The following MAST2 variants were observed in gnomAD, a reference collection of about 807,000 sequenced individuals.
MAST2 encodes the protein microtubule-associated serine/threonine-protein kinase 2.
A neutral mutation model predicts 147.4 loss-of-function variants in MAST2; 70 were observed. The ratio of observed to expected loss-of-function variants is 0.47; its 90% CI spans 0.39 to 0.58. The LOEUF (loss-of-function observed/expected upper bound fraction) is 0.58, where lower values mean the gene tolerates loss of function less well. Ranked by LOEUF, MAST2 falls within the 20% of genes least tolerant of loss-of-function variation. MAST2 has a pLI of 0.00. For synonymous variants in MAST2, 869 were observed against 896.8 expected (o/e 0.97, Z 0.55); for missense variants, 2,080 against 2,302.3 (o/e 0.90, Z 1.98).
chr1:45,915,493 G>A lies in MAST2; in HGVS notation c.500+33098G>A, dbSNP rs185868897. 1.5e-3 allele frequency among the ~76,000 whole-genome samples: 225 copies of A among 152,192 alleles called. 2 individuals are homozygous for A. The highest frequency in any genetic ancestry group is 5.3e-3 in the African/African-American group (219 of 41,542). On this transcript the variant is annotated intron_variant, in intron 4 of 28. Coordinates refer to ENST00000361297, the MANE Select transcript of MAST2 (RefSeq NM_015112.3). ...TGGGAGGCCGAGGCGGGCGGATCAC[G>A]AGGTCAGGAGATCGAGACCATCCTG...
intron 7 of MAST2, 123 bp from the exon 8 acceptor site, chr1:46,006,118 A>G: frequency 1.1e-6 from 1 of 917,614 alleles, no homozygotes. Context: ...GGAGTAGGGG[A>G]AAGAAGACCT....
intron 10 of MAST2, among the ~76,000 whole-genome samples, chr1:46,013,228 T>A (rs1645788697): frequency 6.6e-6 from 1 of 152,170 alleles, no homozygotes; most frequent in Non-Finnish European, 1.5e-5. Context: ...ATAAGGAAAC[T>A]AAGTTAGCTC....
chr1:45,842,387 T>G (rs1312218948), intron 3 of MAST2, among the ~76,000 whole-genome samples: 1 of 152,210 alleles, frequency 6.6e-6, no homozygotes, highest in East Asian at 1.9e-4. Context: ...GATTTGTTTT[T>G]CACAATACAA....
chr1:45,879,796 TACTC>T (rs1382530496), intron 3 of MAST2, among the ~76,000 whole-genome samples: 3 of 152,158 alleles, frequency 2.0e-5, no homozygotes, highest in Non-Finnish European at 2.9e-5. Flanking sequence ...CATGAAAAGA[TACTC>T]AACATCGTTA....
intron 4 of MAST2, among the ~76,000 whole-genome samples, chr1:45,891,434 G>T (rs2148401441): frequency 6.6e-6 from 1 of 152,208 alleles, no homozygotes; most frequent in Non-Finnish European, 1.5e-5. Context: ...AGCCGTGATT[G>T]TGCCACTGTA....
chr1:45,948,899 A>G (rs2148848963), intron 4 of MAST2, among the ~76,000 whole-genome samples: 1 of 152,082 alleles, frequency 6.6e-6, no homozygotes, highest in East Asian at 1.9e-4. Flanking sequence ...CCTATTTTAA[A>G]AATCAGGGGT....
intron 3 of MAST2, among the ~76,000 whole-genome samples, chr1:45,844,909 C>G (rs1194114426): frequency 6.6e-6 from 1 of 152,136 alleles, no homozygotes; most frequent in Non-Finnish European, 1.5e-5. Flanking sequence ...GTACCAGCAT[C>G]TGATGAGGGC....
intron 5 of MAST2, among the ~76,000 whole-genome samples, chr1:45,977,098 G>A (rs1458285338): frequency 2.0e-5 from 3 of 152,226 alleles, no homozygotes; most frequent in Non-Finnish European, 2.9e-5. Context: ...AAAACTTTTA[G>A]AAGGTGTACA....
intron 4 of MAST2, among the ~76,000 whole-genome samples, chr1:45,955,030 A>G (rs1188907281): frequency 2.0e-5 from 3 of 152,242 alleles, no homozygotes; most frequent in Admixed American, 6.5e-5. Flanking sequence ...ATACTCATCC[A>G]TTCATTTAAC....
intron 9 of MAST2, among the ~76,000 whole-genome samples, chr1:46,010,490 TGGG>T (rs1355111822): frequency 1.3e-5 from 2 of 152,116 alleles, no homozygotes; most frequent in African/African-American, 4.8e-5. Flanking sequence ...TGGAGGGAGT[TGGG>T]GGAGATGGGC....
rs1259371823 is a variant in MAST2, at chr1:46,034,171, G to A, written c.3773G>A (p.Gly1258Glu). The A allele has an allele frequency of 1.2e-6, 2 of 1,614,002 alleles. No homozygotes were observed. Among genetic ancestry groups the A allele is most frequent in the Non-Finnish European group, 1.7e-6 (2 of 1,180,016 alleles). ...TCCCTTAACCGCTCCTTGTCATCAG[G>A]GGAGAGTGGGCCAGGCTCTCCCACA... is the stretch of plus-strand genomic sequence containing the variant. ...LSSLNRSLSSGESGPGSPTHS... is the reference protein window; with the variant it reads ...LSSLNRSLSSEESGPGSPTHS... Residue 1258 changes from glycine to glutamate, a missense_variant, in exon 28 of 29, where the codon GGG (glycine) becomes GAG (glutamate). Gly to Glu is a moderately conservative substitution (Grantham distance 98). Transcript: ENST00000361297.
chr1:46,035,462 C>T lies in MAST2; in HGVS notation c.4793C>T (p.Ala1598Val). 3 of 1,613,294 alleles carry T rather than the reference C, an allele frequency of 1.9e-6. No individual in the cohort carries two copies. Among genetic ancestry groups the T allele is most frequent in the Non-Finnish European group, 1.7e-6 (2 of 1,179,954 alleles). ...GAGGAGGCTGCCAGCTCCTCCTCAG[C>T]AGGCCCCAACCTAGGTCAGTCTGGA... is the stretch of plus-strand genomic sequence containing the variant. ...AIEEAASSSS[A>V]GPNLGQSGAT... Residue 1598 changes from alanine to valine, a missense_variant, in exon 29 of 29, where the codon GCA becomes GTA. Transcript: ENST00000361297. The surrounding 1 kb of genome is among the most constrained non-coding windows in gnomAD (Gnocchi z 5.5).
rs185692764 is a variant in MAST2, at chr1:45,952,304, A to G, written c.501-7082A>G. On this transcript the variant is annotated intron_variant, in intron 4 of 28. Coordinates refer to ENST00000361297, the MANE Select transcript of MAST2 (RefSeq NM_015112.3). Reference sequence around the variant, plus strand: ...TAATGTATGATTCAGTTTCTGTGAAATGTCCAGAATACGTAGAGTCCACAG... The same window carrying G: ...TAATGTATGATTCAGTTTCTGTGAAGTGTCCAGAATACGTAGAGTCCACAG... Among the ~76,000 whole-genome samples the G allele has an allele frequency of 1.5e-4, 23 of 152,326 alleles. No homozygotes were observed. The East Asian group carries it at 3.7e-3, about 24-fold the overall frequency.
intron 4 of MAST2, among the ~76,000 whole-genome samples, chr1:45,931,945 C>T (rs1655384807): frequency 6.6e-6 from 1 of 152,196 alleles, no homozygotes; most frequent in African/African-American, 2.4e-5. Context: ...CCTGCCTCGG[C>T]CTCCCAAAGG....
At chr1:45,827,119 C>A (rs926097188) in intron 2 of MAST2, among the ~76,000 whole-genome samples, 1 of 152,192 alleles carries the variant, frequency 6.6e-6, no homozygotes, top group Non-Finnish European at 1.5e-5. Flanking sequence ...GGAGCCACCA[C>A]GCTCTGCCCA....
intron 3 of MAST2, among the ~76,000 whole-genome samples, chr1:45,853,615 A>G (rs1486778689): frequency 2.6e-5 from 4 of 152,174 alleles, no homozygotes; most frequent in Non-Finnish European, 5.9e-5. Context: ...CGGCCTCCCA[A>G]AGTGGTGGGA....
chr1:45,865,752 T>C (rs930489180), intron 3 of MAST2, among the ~76,000 whole-genome samples: 1 of 152,200 alleles, frequency 6.6e-6, no homozygotes, highest in African/African-American at 2.4e-5. Context: ...AACCTTCAAC[T>C]GAGTTTTAAT....
intron 4 of MAST2, among the ~76,000 whole-genome samples, chr1:45,914,176 G>C (rs1428450319): frequency 6.6e-6 from 1 of 152,170 alleles, no homozygotes; most frequent in Non-Finnish European, 1.5e-5. Flanking sequence ...TTTATTTAAA[G>C]TTAGTGTCAA....
At position 46,023,197 on chromosome 1, in the gene MAST2, G is replaced by A. The variant is rs1386603841; in HGVS notation, c.1486-36G>A. ...TCTGCAAGGATATGGGCTCTGAGAA[G>A]CATGCCTGTCTCCTGCCTTTTCCCT... is the stretch of plus-strand genomic sequence containing the variant. On this transcript the variant is annotated intron_variant, in intron 13 of 28. Coordinates refer to ENST00000361297, the MANE Select transcript of MAST2 (RefSeq NM_015112.3). This position sits in a 1 kb window ranked among gnomAD's most constrained non-coding sequence, Gnocchi z 4.9. The A allele has an allele frequency of 1.3e-6, 2 of 1,573,116 alleles. No homozygotes were observed. Among genetic ancestry groups the A allele is most frequent in the East Asian group, 2.2e-5 (1 of 44,658 alleles).
Sources: allele counts gnomAD v4.1 joint callset (sites outside exome capture counted in the v4.1 genomes callset), GRCh38; gene constraint gnomAD v4.1.1; non-coding constraint Gnocchi (gnomAD v3.1); transcripts MANE v1.5; gene names NCBI Gene and HGNC (gene_info 2026-07-23, HGNC 2026-07-21).